TNFAIP8: variants seen among roughly 807,000 people sequenced by gnomAD.
The protein encoded by TNFAIP8 is tumor necrosis factor alpha-induced protein 8.
In TNFAIP8, 7 loss-of-function variants were observed where a neutral mutation model predicts 13.3. The observed-to-expected ratio is 0.52, with a 90% CI of 0.30 to 0.99. The LOEUF (loss-of-function observed/expected upper bound fraction) is 0.99, where lower values mean the gene tolerates loss of function less well. TNFAIP8 is among the 50% of genes least tolerant of loss of function. The probability of loss-of-function intolerance (pLI) is 0.07; values close to 1 mark genes in which losing one functional copy is unlikely to be tolerated. For synonymous variants in TNFAIP8, 94 were observed against 87.6 expected (o/e 1.07, Z -0.41); for missense variants, 258 against 236.9 (o/e 1.09, Z -0.58).
At position 119,369,055 on chromosome 5, in the gene TNFAIP8, C is replaced by CTTTT. The variant is rs61101551; in HGVS notation, c.31+12947_31+12950dup. Among the ~76,000 whole-genome samples, 353 of 104,972 alleles carry CTTTT rather than the reference C, an allele frequency of 3.4e-3. 5 individuals are homozygous for CTTTT. The highest frequency in any genetic ancestry group is 0.019 in the African/African-American group (327 of 17,064). The allele number at this position is 104,972 out of a possible 152,430, so 68.9% of individuals were successfully genotyped here. ...GCCAAACTTTCTTTTCTTTTCTTTT[C>CTTTT]TTTTTTTTTTTTTTTTGAGAGGGAA... is the stretch of plus-strand genomic sequence containing the variant. On this transcript the variant is annotated intron_variant, in intron 1 of 1. Coordinates refer to ENST00000504771, the MANE Select transcript of TNFAIP8 (RefSeq NM_014350.4).
chr5:119,351,635 G>A (rs1303157697), upstream of TNFAIP8, among the ~76,000 whole-genome samples: 2 of 152,138 alleles, frequency 1.3e-5, no homozygotes, highest in Non-Finnish European at 2.9e-5. Flanking sequence ...AAGTTGAGGA[G>A]CATCTGTACT....
In TNFAIP8 at chr5:119,393,552, A is replaced by C. The variant is rs1409159026; in HGVS notation, c.*171A>C. ...TTTGAAGGCTTGTTTTATTTGAAGA[A>C]AAGCATATTGCCAAAAATTCTGGTT... is the stretch of plus-strand genomic sequence containing the variant. On this transcript the variant is annotated 3_prime_UTR_variant, in exon 2 of 2. Transcript: ENST00000504771. 1.3e-6 allele frequency: 1 copy of C among 771,430 alleles called. No homozygotes were observed. The highest frequency in any genetic ancestry group is 1.8e-5 in the African/African-American group (1 of 56,876). 47.8% of individuals were successfully genotyped at this position (771,430 alleles called of 1,614,324 possible). A position where few individuals can be genotyped will look rare whatever the true frequency, so the allele number is the denominator to read the frequency against.
intron 1 of TNFAIP8, among the ~76,000 whole-genome samples, chr5:119,316,672 G>T (rs1344829560): frequency 2.0e-5 from 3 of 152,172 alleles, no homozygotes; most frequent in African/African-American, 7.2e-5. Context: ...GCCTACTCCA[G>T]ACTAATTAAG....
intron 1 of TNFAIP8, among the ~76,000 whole-genome samples, chr5:119,306,919 T>G (rs1749584387): frequency 1.3e-5 from 2 of 152,220 alleles, no homozygotes; most frequent in South Asian, 4.1e-4. Flanking sequence ...CCCAGAAATT[T>G]CCTATGCATA....
intron 1 of TNFAIP8, among the ~76,000 whole-genome samples, chr5:119,380,249 TG>T (rs1380963349): frequency 2.6e-5 from 4 of 152,238 alleles, no homozygotes; most frequent in African/African-American, 9.6e-5. Context: ...AAAAATCAAC[TG>T]TAAGTTTTCT....
chr5:119,301,912 A>G (rs563023823), intron 1 of TNFAIP8, among the ~76,000 whole-genome samples: 2 of 152,328 alleles, frequency 1.3e-5, no homozygotes, highest in South Asian at 2.1e-4. Context: ...TGGGGAAGAT[A>G]TGGGAGAAAT....
Position 119,269,385 on chromosome 5 carries a change from A to G in TNFAIP8, c.1+478A>G, listed in dbSNP as rs112949522. Among the ~76,000 whole-genome samples the G allele has an allele frequency of 4.4e-3, 667 of 152,330 alleles. 6 individuals carry two copies. Among genetic ancestry groups the G allele is most frequent in the African/African-American group, 0.014 (595 of 41,568 alleles). On this transcript the variant is annotated intron_variant, in intron 1 of 1. Transcript: ENST00000274456. ...TTGCATTGTAAAACGGGCAGAGACC[A>G]GAGCCCTGCTTTGAGATCATTCGGT... is the stretch of plus-strand genomic sequence containing the variant.
intron 1 of TNFAIP8, among the ~76,000 whole-genome samples, chr5:119,366,690 G>A (rs1376954784): frequency 6.6e-6 from 1 of 152,208 alleles, no homozygotes; most frequent in Non-Finnish European, 1.5e-5. Flanking sequence ...AACCAGTGAA[G>A]CTGTACCTAA....
intron 1 of TNFAIP8, among the ~76,000 whole-genome samples, chr5:119,359,922 A>G (rs1380602157): frequency 6.6e-6 from 1 of 152,238 alleles, no homozygotes; most frequent in Non-Finnish European, 1.5e-5. Context: ...TTATGTAGTC[A>G]TTAGGCTTGG....
intron 1 of TNFAIP8, among the ~76,000 whole-genome samples, chr5:119,340,257 C>T (rs1750694191): frequency 6.6e-6 from 1 of 152,182 alleles, no homozygotes; most frequent in Non-Finnish European, 1.5e-5. Flanking sequence ...GCACAGGGGG[C>T]CAGCCAGAGC....
intron 1 of TNFAIP8, among the ~76,000 whole-genome samples, chr5:119,279,047 A>G (rs1310383039): frequency 1.3e-5 from 2 of 152,230 alleles, no homozygotes; most frequent in African/African-American, 2.4e-5. Context: ...CATGGCAAAC[A>G]CTTGTTGAGT....
intron 1 of TNFAIP8, among the ~76,000 whole-genome samples, chr5:119,375,456 A>G (rs952011182): frequency 6.6e-6 from 1 of 152,150 alleles, no homozygotes; most frequent in African/African-American, 2.4e-5. Context: ...TACTTATAAC[A>G]TTGATTGGTT....
At chr5:119,379,367 T>G (rs1752399911) in intron 1 of TNFAIP8, among the ~76,000 whole-genome samples, 1 of 152,200 alleles carries the variant, frequency 6.6e-6, no homozygotes, top group Non-Finnish European at 1.5e-5. Context: ...AGAGAGGAAT[T>G]TAACTCTTTC....
In TNFAIP8 at chr5:119,387,325, C is replaced by CA. The variant is rs1424897296; in HGVS notation, c.32-5489dup. ...TATTTAAAGAACTTTTATTAACAGA[C>CA]AACAGCCAGACATGCTTTCCAAATT... is the stretch of plus-strand genomic sequence containing the variant. On this transcript the variant is annotated intron_variant, in intron 1 of 1. Transcript: ENST00000504771. Among the ~76,000 whole-genome samples, 4 of 152,294 alleles carry CA rather than the reference C, an allele frequency of 2.6e-5. No individual in the cohort carries two copies. The East Asian group carries it at 7.7e-4, about 29-fold the overall frequency.
chr5:119,310,779 A>T (rs935059034), intron 1 of TNFAIP8, among the ~76,000 whole-genome samples: 1 of 151,982 alleles, frequency 6.6e-6, no homozygotes, highest in Non-Finnish European at 1.5e-5. Context: ...GTGAGTGGAG[A>T]TTGCGCCACT....
rs1753117625 is a variant in TNFAIP8 at position 119,398,152 on chromosome 5, C to G, written c.*4771C>G. The G allele has an allele frequency of 6.6e-6, 1 of 152,172 alleles. No individual in the cohort carries two copies. Among genetic ancestry groups the G allele is most frequent in the South Asian group, 2.1e-4 (1 of 4,832 alleles). The allele number at this position is 152,172 out of a possible 1,614,324, so 9.4% of individuals were successfully genotyped here. A position where few individuals can be genotyped will look rare whatever the true frequency, so the allele number is the denominator to read the frequency against. ...GATTAGACAGCCAGTGGATAAGGCC[C>G]CTTATCTTTCTTCATGGATGGCTGA... On this transcript the variant is annotated 3_prime_UTR_variant, in exon 2 of 2. Transcript: ENST00000504771.
chr5:119,317,057 T>C lies in TNFAIP8; in HGVS notation c.1+48150T>C, dbSNP rs145781649. 4.6e-3 allele frequency among the ~76,000 whole-genome samples: 708 copies of C among 152,304 alleles called. 6 individuals carry two copies. Among genetic ancestry groups the C allele is most frequent in the African/African-American group, 0.016 (662 of 41,560 alleles). On this transcript the variant is annotated intron_variant, in intron 1 of 1. Coordinates refer to the TNFAIP8 transcript ENST00000274456. Reference sequence around the variant, plus strand: ...TGCCTGTTGTGAGGAAATAATAGCATGTAGAACTTTACATTTTTAGCCACC... The same window carrying C: ...TGCCTGTTGTGAGGAAATAATAGCACGTAGAACTTTACATTTTTAGCCACC...
intron 1 of TNFAIP8, among the ~76,000 whole-genome samples, chr5:119,285,140 A>G (rs1212823106): frequency 6.6e-6 from 1 of 152,158 alleles, no homozygotes; most frequent in Non-Finnish European, 1.5e-5. Context: ...TAATGGGAAA[A>G]GCTCTGGACA....
In TNFAIP8 at chr5:119,313,983, A is replaced by G. The variant is rs116653828; in HGVS notation, c.1+45076A>G. On this transcript the variant is annotated intron_variant, in intron 1 of 1. Transcript: ENST00000274456. ...CAAAATTAAGTTAGTTTTCCTTGCT[A>G]TAGACAGAGTAAATGCAACTAGCAT... Among the ~76,000 whole-genome samples the G allele has an allele frequency of 8.3e-3, 1,259 of 152,330 alleles. 12 individuals are homozygous for G. Among genetic ancestry groups the G allele is most frequent in the Non-Finnish European group, 0.013 (891 of 68,024 alleles).
Sources: gnomAD v4.1 joint callset for allele counts (sites outside exome capture counted in the v4.1 genomes callset) on GRCh38, gnomAD v4.1.1 for gene constraint, MANE v1.5 for transcripts, NCBI Gene and HGNC (gene_info 2026-07-23, HGNC 2026-07-21) for gene names.